The following THSD7B variants were observed in gnomAD, a reference collection of about 807,000 sequenced individuals.
THSD7B encodes the protein thrombospondin type-1 domain-containing protein 7B.
Under a neutral mutation model 213.6 loss-of-function variants are expected in THSD7B, and 138 were observed. That is an observed-to-expected ratio of 0.65 (90% CI 0.56 to 0.74). THSD7B has a LOEUF of 0.74. Among genes scored for constraint, THSD7B ranks in the 30% least tolerant of loss-of-function variants. The pLI is 0.00. For synonymous variants in THSD7B, 742 were observed against 687.0 expected, an observed-to-expected ratio of 1.08 and a Z score of -1.25; for missense variants, 1,931 against 1,991.5, an observed-to-expected ratio of 0.97 and a Z score of 0.58.
At chr2:137,108,139 A>C (rs1188221684) in intron 4 of THSD7B, among the ~76,000 whole-genome samples, 1 of 152,250 alleles carries the variant, frequency 6.6e-6, no homozygotes, top group Non-Finnish European at 1.5e-5. Context: ...AAACATGACC[A>C]TTAACTAATG....
At chr2:137,405,381 C>T (rs1366172412) in intron 12 of THSD7B, among the ~76,000 whole-genome samples, 7 of 151,952 alleles carry the variant, frequency 4.6e-5, no homozygotes, top group Non-Finnish European at 8.8e-5. Context: ...TGGTTGCTGT[C>T]GACGCAGGGT....
chr2:137,118,438 T>G (rs546104414), intron 5 of THSD7B, among the ~76,000 whole-genome samples: 1 of 152,276 alleles, frequency 6.6e-6, no homozygotes, highest in South Asian at 2.1e-4. Context: ...TTAAGTGGCA[T>G]AGAAGTAGAT....
At chr2:137,236,837 G>A (rs935087436) in intron 9 of THSD7B, among the ~76,000 whole-genome samples, 10 of 152,132 alleles carry the variant, frequency 6.6e-5, no homozygotes, top group Non-Finnish European at 1.5e-4. Flanking sequence ...CTAGCTGGGC[G>A]CGGTGGCTCA....
chr2:137,164,773 C>T (rs979411315), intron 6 of THSD7B, among the ~76,000 whole-genome samples: 29 of 152,082 alleles, frequency 1.9e-4, no homozygotes, highest in Non-Finnish European at 3.4e-4. Context: ...AGCAAACTAT[C>T]GCAAGGACAA....
chr2:137,247,439 G>A (rs1175626423), intron 10 of THSD7B, among the ~76,000 whole-genome samples: 1 of 152,036 alleles, frequency 6.6e-6, no homozygotes, highest in Non-Finnish European at 1.5e-5. Context: ...TGCCAGATAT[G>A]TTTACCAGTT....
intron 1 of THSD7B, among the ~76,000 whole-genome samples, chr2:136,855,283 A>G (rs185886983): frequency 6.4e-4 from 98 of 152,298 alleles, no homozygotes; most frequent in African/African-American, 2.3e-3. Flanking sequence ...ACATCAGATC[A>G]TATCACCTTT....
chr2:136,908,416 G>A (rs1191072257), intron 2 of THSD7B, among the ~76,000 whole-genome samples: 5 of 152,170 alleles, frequency 3.3e-5, no homozygotes, highest in Non-Finnish European at 7.4e-5. Context: ...GTAGTGAAAT[G>A]AGTAGCAAAA....
intron 7 of THSD7B, among the ~76,000 whole-genome samples, chr2:137,212,085 T>A (rs1331290506): frequency 6.6e-6 from 1 of 152,076 alleles, no homozygotes; most frequent in Non-Finnish European, 1.5e-5. Context: ...TAATATAACC[T>A]CACAAAGTCA....
chr2:137,429,160 A>G (rs1012599980), intron 14 of THSD7B, among the ~76,000 whole-genome samples: 2 of 152,174 alleles, frequency 1.3e-5, no homozygotes, highest in African/African-American at 4.8e-5. Context: ...GTTGCTTAGG[A>G]CTGGAAGAAT....
chr2:137,264,530 G>A (rs933074794), intron 10 of THSD7B, among the ~76,000 whole-genome samples: 3 of 152,114 alleles, frequency 2.0e-5, no homozygotes, highest in Non-Finnish European at 4.4e-5. Context: ...TTACAGGCGT[G>A]AGCCACCGCG....
chr2:137,359,783 A>C (rs2104932789), intron 12 of THSD7B, among the ~76,000 whole-genome samples: 1 of 152,272 alleles, frequency 6.6e-6, no homozygotes, highest in South Asian at 2.1e-4. Context: ...TTCTCTTTTA[A>C]GATTCTGTCT....
intron 7 of THSD7B, among the ~76,000 whole-genome samples, chr2:137,202,159 C>T (rs1367042795): frequency 6.6e-6 from 1 of 152,138 alleles, no homozygotes; most frequent in Non-Finnish European, 1.5e-5. Flanking sequence ...GGACTGTGCT[C>T]ATCTGAGTGA....
chr2:137,330,484 G>A (rs2375461), intron 12 of THSD7B, among the ~76,000 whole-genome samples: 23,775 of 152,160 alleles, frequency 0.16, 2,027 homozygotes, highest in South Asian at 0.26. Flanking sequence ...AAGGTGGCAC[G>A]TCTGGAGTTT....
chr2:137,419,372 G>GTTTTTTTTTTTTTTTTTTTTTTTT (rs1246056674), intron 14 of THSD7B, among the ~76,000 whole-genome samples: 6 of 81,314 alleles, frequency 7.4e-5, no homozygotes, highest in East Asian at 6.3e-4. Flanking sequence ...TGGGTCCTGA[G>GTTTTTTTTTTTTTTTTTTTTTTTT]TTCTTGTCCC....
intron 16 of THSD7B, among the ~76,000 whole-genome samples, chr2:137,570,122 T>C (rs1236268520): frequency 1.3e-5 from 2 of 151,936 alleles, no homozygotes; most frequent in African/African-American, 2.4e-5. Context: ...TCCATAGAAT[T>C]AAAGTCCCTA....
At chr2:137,032,485 A>G (rs1214758627) in intron 2 of THSD7B, among the ~76,000 whole-genome samples, 1 of 152,202 alleles carries the variant, frequency 6.6e-6, no homozygotes, top group Non-Finnish European at 1.5e-5. Context: ...AGGAACAGGC[A>G]TCTCCAGCAG....
intron 2 of THSD7B, among the ~76,000 whole-genome samples, chr2:136,907,840 C>A (rs1684190339): frequency 6.6e-6 from 1 of 152,132 alleles, no homozygotes; most frequent in Admixed American, 6.6e-5. Flanking sequence ...GTTTTTTCTT[C>A]TGAAGCTGGA....
At chr2:137,540,363 C>T (rs896942842) in intron 15 of THSD7B, among the ~76,000 whole-genome samples, 14 of 151,750 alleles carry the variant, frequency 9.2e-5, no homozygotes, top group South Asian at 6.2e-4. Context: ...ATCTGGAGAG[C>T]GCTTACTCAC....
chr2:136,870,042 G>T (rs566636153), intron 1 of THSD7B, among the ~76,000 whole-genome samples: 1 of 150,874 alleles, frequency 6.6e-6, no homozygotes, highest in Admixed American at 6.6e-5. Flanking sequence ...ACTGCACTCC[G>T]GGCTGGGCGA....
Sources: allele counts gnomAD v4.1 joint callset (sites outside exome capture counted in the v4.1 genomes callset), GRCh38; gene constraint gnomAD v4.1.1; transcripts MANE v1.5; gene names NCBI Gene and HGNC (gene_info 2026-07-23, HGNC 2026-07-21).